The following PLPPR1 variants were observed in gnomAD, a reference collection of about 807,000 sequenced individuals.
The protein encoded by PLPPR1 is phospholipid phosphatase related 1.
In PLPPR1, 10 loss-of-function variants were observed where a neutral mutation model predicts 33.1. That is an observed-to-expected ratio of 0.30 (90% CI 0.19 to 0.51). The LOEUF is 0.51. Ranked by LOEUF, PLPPR1 falls within the 20% of genes least tolerant of loss-of-function variation. PLPPR1 has a pLI of 0.97. For synonymous variants in PLPPR1, 151 were observed against 151.0 expected (o/e 1.00, Z 0.00); for missense variants, 304 against 408.1 (o/e 0.74, Z 2.20).
At chr9:101,188,149 A>C (rs1458075336) in intron 2 of PLPPR1, 1 of 152,054 alleles carries the variant, frequency 6.6e-6, no homozygotes, top group African/African-American at 2.4e-5. Flanking sequence ...ACTGAGGGAC[A>C]GTTTGTTTAT....
At chr9:101,064,267 C>T (rs1830381652) in intron 1 of PLPPR1, among the ~76,000 whole-genome samples, 1 of 151,962 alleles carries the variant, frequency 6.6e-6, no homozygotes, top group African/African-American at 2.4e-5. Flanking sequence ...ATTTTATCAC[C>T]TCATGGATTT....
At chr9:101,284,627 ATCTG>A (rs1425799870) in intron 3 of PLPPR1, among the ~76,000 whole-genome samples, 2 of 152,194 alleles carry the variant, frequency 1.3e-5, no homozygotes, top group African/African-American at 2.4e-5. Context: ...TTCAGATACT[ATCTG>A]TCTGTGTGTG....
intron 7 of PLPPR1, among the ~76,000 whole-genome samples, chr9:101,323,652 C>T (rs1197975791): frequency 6.6e-6 from 1 of 151,878 alleles, no homozygotes; most frequent in African/African-American, 2.4e-5. Context: ...CCAGCCTGAC[C>T]AACATGGAGA....
At chr9:101,213,013 C>G (rs1036720501) in intron 2 of PLPPR1, among the ~76,000 whole-genome samples, 2 of 152,154 alleles carry the variant, frequency 1.3e-5, no homozygotes, top group African/African-American at 4.8e-5. Flanking sequence ...GTCCTTGTAA[C>G]AAGCCTATGA....
intron 2 of PLPPR1, among the ~76,000 whole-genome samples, chr9:101,224,164 A>G (rs1290049264): frequency 6.6e-6 from 1 of 152,168 alleles, no homozygotes; most frequent in African/African-American, 2.4e-5. Flanking sequence ...TGGCAATGTA[A>G]GAAGCTGAAG....
intron 6 of PLPPR1, among the ~76,000 whole-genome samples, chr9:101,313,410 C>A (rs748473850): frequency 6.6e-6 from 1 of 152,128 alleles, no homozygotes; most frequent in East Asian, 1.9e-4. Context: ...TCCAGCATCC[C>A]AAGAAACTCA....
At chr9:101,102,067 T>C (rs1830907963) in intron 1 of PLPPR1, among the ~76,000 whole-genome samples, 1 of 151,028 alleles carries the variant, frequency 6.6e-6, no homozygotes, top group African/African-American at 2.4e-5. Context: ...ACTATAAGCT[T>C]GTAAACTCCT....
At chr9:101,154,929 G>T (rs543011506) in intron 1 of PLPPR1, among the ~76,000 whole-genome samples, 70 of 138,378 alleles carry the variant, frequency 5.1e-4, no homozygotes, top group African/African-American at 1.9e-3. Context: ...CTTGGACACT[G>T]GAAGGGGAAC....
At chr9:101,264,480 C>A (rs1827950967) in intron 2 of PLPPR1, among the ~76,000 whole-genome samples, 1 of 152,188 alleles carries the variant, frequency 6.6e-6, no homozygotes, top group South Asian at 2.1e-4. Flanking sequence ...CAGGCACCTG[C>A]AGCCACGCAT....
At chr9:101,216,473 T>C (rs1161909842) in intron 2 of PLPPR1, among the ~76,000 whole-genome samples, 1 of 152,226 alleles carries the variant, frequency 6.6e-6, no homozygotes, top group Non-Finnish European at 1.5e-5. Flanking sequence ...TCTCCCGTTC[T>C]GAATGTTGTC....
intron 1 of PLPPR1, among the ~76,000 whole-genome samples, chr9:101,101,283 C>T (rs189910914): frequency 1.6e-4 from 25 of 152,146 alleles, no homozygotes; most frequent in African/African-American, 5.1e-4. Context: ...ATATTTCTCC[C>T]ATCAAAATAT....
At chr9:101,141,727 G>A (rs183109700) in intron 1 of PLPPR1, among the ~76,000 whole-genome samples, 1 of 152,226 alleles carries the variant, frequency 6.6e-6, no homozygotes, top group East Asian at 1.9e-4. Flanking sequence ...TGGGAAAGAC[G>A]TAAAGAAGTA....
intron 2 of PLPPR1, among the ~76,000 whole-genome samples, chr9:101,212,843 T>C (rs1265185684): frequency 6.6e-6 from 1 of 152,218 alleles, no homozygotes; most frequent in Admixed American, 6.5e-5. Flanking sequence ...TCCTGTGTAA[T>C]TCTCTTCCTC....
rs1828061050 is a variant in PLPPR1 at position 101,269,807 on chromosome 9, G to T, written c.64-73G>T. 5.0e-6 allele frequency: 7 copies of T among 1,399,900 alleles called. No individual in the cohort carries two copies. The South Asian group carries it at 8.1e-5, about 16-fold the overall frequency. 86.7% of individuals were successfully genotyped at this position (1,399,900 alleles called of 1,614,324 possible). A position where few individuals can be genotyped will look rare whatever the true frequency, so the allele number is the denominator to read the frequency against. Reference sequence around the variant, plus strand: ...AGAGCCGCTGCTGGGGTGATGGAGGGAGTGTGCTCTGAGGGGCAAGGGCTG... The same window carrying T: ...AGAGCCGCTGCTGGGGTGATGGAGGTAGTGTGCTCTGAGGGGCAAGGGCTG... On this transcript the variant is annotated intron_variant, in intron 2 of 7. Coordinates refer to ENST00000374874, the MANE Select transcript of PLPPR1 (RefSeq NM_207299.2).
In PLPPR1 at chr9:101,049,563, T is replaced by C. The variant is rs150956369; in HGVS notation, c.-46+20461T>C. 6.4e-3 allele frequency among the ~76,000 whole-genome samples: 971 copies of C among 152,286 alleles called. 12 individuals carry two copies. Among genetic ancestry groups the C allele is most frequent in the African/African-American group, 0.022 (934 of 41,564 alleles). ...TCATTAAGTTCTCACAGTATCAATA[T>C]ACAGTTGAGAAAACTGAAGCAGACA... On this transcript the variant is annotated intron_variant, in intron 1 of 7. Coordinates refer to ENST00000374874, the MANE Select transcript of PLPPR1 (RefSeq NM_207299.2).
intron 4 of PLPPR1, among the ~76,000 whole-genome samples, chr9:101,290,216 C>G (rs1488979054): frequency 6.6e-6 from 1 of 152,082 alleles, no homozygotes; most frequent in Non-Finnish European, 1.5e-5. Flanking sequence ...TTTTGAAGAG[C>G]TTAACCGTCT....
chr9:101,195,403 T>G (rs1826377181), intron 2 of PLPPR1, among the ~76,000 whole-genome samples: 1 of 152,030 alleles, frequency 6.6e-6, no homozygotes, highest in South Asian at 2.1e-4. Context: ...AATAAAAGGT[T>G]TTACTTAGAC....
intron 1 of PLPPR1, among the ~76,000 whole-genome samples, chr9:101,068,136 C>A (rs1002832833): frequency 6.6e-6 from 1 of 152,074 alleles, no homozygotes; most frequent in African/African-American, 2.4e-5. Flanking sequence ...ATTTATTGAG[C>A]AAATACCATG....
chr9:101,124,769 A>G (rs757697380), intron 1 of PLPPR1, among the ~76,000 whole-genome samples: 2 of 152,062 alleles, frequency 1.3e-5, no homozygotes, highest in African/African-American at 2.4e-5. Context: ...ACCTGAAGAG[A>G]CTCAAGTAAA....
Sources: gnomAD v4.1 joint callset for allele counts (sites outside exome capture counted in the v4.1 genomes callset) on GRCh38, gnomAD v4.1.1 for gene constraint, MANE v1.5 for transcripts, NCBI Gene and HGNC (gene_info 2026-07-23, HGNC 2026-07-21) for gene names.